Variants in RALGPS1 observed in about 807,000 individuals in gnomAD.
The protein encoded by RALGPS1 is ras-specific guanine nucleotide-releasing factor RalGPS1.
RALGPS1 carries 19 observed loss-of-function variants against 78.8 expected under a neutral mutation model. The ratio of observed to expected loss-of-function variants is 0.24; its 90% confidence interval spans 0.17 to 0.35. The LOEUF (loss-of-function observed/expected upper bound fraction) is 0.35. RALGPS1 is among the 10% of genes least tolerant of loss of function. The probability of loss-of-function intolerance (pLI) is 1.00; values close to 1 mark genes in which losing one functional copy is unlikely to be tolerated. For synonymous variants in RALGPS1, 228 were observed against 256.3 expected (o/e 0.89, Z 1.06); for missense variants, 454 against 688.3 (o/e 0.66, Z 3.81).
chr9:126,986,543 G>A (rs873605), intron 4 of RALGPS1, among the ~76,000 whole-genome samples: 2,841 of 152,300 alleles, frequency 0.019, 100 homozygotes, highest in African/African-American at 0.065. Context: ...CTCTACCAGA[G>A]CTCCTTACCA....
intron 8 of RALGPS1, among the ~76,000 whole-genome samples, chr9:127,133,577 C>T (rs567656080): frequency 2.2e-4 from 34 of 152,336 alleles, no homozygotes; most frequent in Non-Finnish European, 3.7e-4. Context: ...ACTCACCCAC[C>T]GGCCTGCCCT....
intron 8 of RALGPS1, among the ~76,000 whole-genome samples, chr9:127,139,217 T>C (rs998460528): frequency 6.6e-6 from 1 of 152,138 alleles, no homozygotes; most frequent in African/African-American, 2.4e-5. Flanking sequence ...CCTAGTGAGG[T>C]ATGAGTTGAC....
chr9:126,934,202 C>T (rs1564273065), intron 1 of RALGPS1, among the ~76,000 whole-genome samples: 1 of 151,676 alleles, frequency 6.6e-6, no homozygotes. Context: ...AGATTGAAGT[C>T]AGACCTTGTA....
intron 8 of RALGPS1, among the ~76,000 whole-genome samples, chr9:127,127,837 G>C (rs10115219): frequency 0.084 from 12,757 of 151,110 alleles, 1,779 homozygotes; most frequent in African/African-American, 0.29. Flanking sequence ...ATCAAAGCTA[G>C]GAGGAACACG....
At chr9:127,121,405 G>A (rs1051465048) in intron 8 of RALGPS1, among the ~76,000 whole-genome samples, 4 of 152,206 alleles carry the variant, frequency 2.6e-5, no homozygotes, top group South Asian at 2.1e-4. Context: ...GCATTTGGCC[G>A]GCTTTGGAAG....
intron 11 of RALGPS1, among the ~76,000 whole-genome samples, chr9:127,175,817 TG>T (rs1007649351): frequency 6.6e-6 from 1 of 150,860 alleles, no homozygotes; most frequent in Non-Finnish European, 1.5e-5. Context: ...TGTAAGGGGG[TG>T]GCTGCTACAA....
At chr9:127,049,930 C>G in intron 5 of RALGPS1, 113 bp from the exon 6 acceptor site, 1 of 782,864 alleles carries the variant, frequency 1.3e-6, no homozygotes, top group Non-Finnish European at 2.2e-6. Context: ...CTCCCAGTTT[C>G]CTGACCTCTT....
rs746253432 is a variant in RALGPS1, at chr9:127,052,958, G to A, written c.483+19G>A. 1.3e-6 allele frequency: 2 copies of A among 1,507,182 alleles called. No individual in the cohort carries two copies. The highest frequency in any genetic ancestry group is 1.1e-5 in the South Asian group (1 of 88,208). 93.4% of individuals were successfully genotyped at this position (1,507,182 alleles called of 1,614,324 possible). The stretch of plus-strand genomic sequence containing the variant: ...CTGGGCTGTAAGTTAATCTCCCTAA[G>A]TCTATCTAATTTTGGCTATCATTTC... On this transcript the variant is annotated intron_variant, in intron 7 of 18. Transcript: ENST00000259351.
At chr9:127,196,703 G>A (rs1054573094) in intron 13 of RALGPS1, 72 bp downstream of exon 13, 1 of 1,473,240 alleles carries the variant, frequency 6.8e-7, no homozygotes, top group Admixed American at 2.3e-5. Flanking sequence ...GTCTGTCTCT[G>A]TGTCACTGTG....
chr9:126,949,757 G>T (rs1452599407), intron 1 of RALGPS1, among the ~76,000 whole-genome samples: 1 of 151,634 alleles, frequency 6.6e-6, no homozygotes, highest in East Asian at 1.9e-4. Flanking sequence ...CTCCCATTTT[G>T]TAGGTTGCCT....
At position 127,034,454 on chromosome 9, in the gene RALGPS1, T is replaced by C. The variant is rs756996812; in HGVS notation, c.240T>C (p.Ser80=). The C allele has an allele frequency of 1.7e-5, 27 of 1,613,860 alleles. No homozygotes were observed. The highest frequency in any genetic ancestry group is 3.3e-4 in the Middle Eastern group (2 of 6,084). The change falls in exon 5 of 19, where the codon AGT becomes AGC. Residue 80 remains serine (S), a synonymous_variant. Coordinates refer to ENST00000259351, the MANE Select transcript of RALGPS1 (RefSeq NM_014636.3). The stretch of plus-strand genomic sequence containing the variant: ...AGGAACTAGCCAGCTGTGGATGGAG[T>C]AAGAAGGAGAAACACAGTCTTGCCC... The part of the protein sequence containing the change: ...QPEELASCGW[S]KKEKHSLAPN...
At chr9:127,069,199 C>G (rs759370819) in intron 7 of RALGPS1, 31 bp from the exon 8 acceptor site, 1 of 1,572,734 alleles carries the variant, frequency 6.4e-7, no homozygotes, top group South Asian at 1.1e-5. Context: ...TTCTGGTTTA[C>G]TTATTTTGCT....
At chr9:127,193,024 A>T (rs1448421210) in intron 11 of RALGPS1, among the ~76,000 whole-genome samples, 1 of 152,134 alleles carries the variant, frequency 6.6e-6, no homozygotes, top group African/African-American at 2.4e-5. Flanking sequence ...AGGAGCACAG[A>T]CCTCCATTTG....
intron 1 of RALGPS1, among the ~76,000 whole-genome samples, chr9:126,933,477 C>T (rs145102262): frequency 2.2e-4 from 33 of 152,232 alleles, no homozygotes; most frequent in Non-Finnish European, 3.7e-4. Flanking sequence ...ACCAAGGGAG[C>T]GGCAGAGACT....
At chr9:126,919,669 A>ATAG (rs1348607587) in intron 1 of RALGPS1, among the ~76,000 whole-genome samples, 1 of 152,242 alleles carries the variant, frequency 6.6e-6, no homozygotes. Context: ...ATAGCAGGTC[A>ATAG]TAGTAGGTGC....
At chr9:127,029,930 A>G (rs1453811711) in intron 4 of RALGPS1, among the ~76,000 whole-genome samples, 2 of 152,204 alleles carry the variant, frequency 1.3e-5, no homozygotes, top group Non-Finnish European at 2.9e-5. Flanking sequence ...AGCTGAAACC[A>G]GTGTTGATTC....
At chr9:126,960,357 C>G (rs1443621682) in intron 1 of RALGPS1, among the ~76,000 whole-genome samples, 1 of 151,598 alleles carries the variant, frequency 6.6e-6, no homozygotes, top group Non-Finnish European at 1.5e-5. Context: ...CCTCAGCTTC[C>G]CAAGTAGCTG....
intron 11 of RALGPS1, among the ~76,000 whole-genome samples, chr9:127,180,651 G>A (rs1023710469): frequency 5.9e-5 from 9 of 152,214 alleles, no homozygotes; most frequent in South Asian, 2.1e-4. Flanking sequence ...CTCTGGTGCC[G>A]TCCAGACATC....
At chr9:127,092,855 A>G (rs1393035017) in intron 8 of RALGPS1, among the ~76,000 whole-genome samples, 1 of 152,124 alleles carries the variant, frequency 6.6e-6, no homozygotes, top group Non-Finnish European at 1.5e-5. Flanking sequence ...GACAACCAGG[A>G]CAGGAGACTC....
Sources: allele counts gnomAD v4.1 joint callset (sites outside exome capture counted in the v4.1 genomes callset), GRCh38; gene constraint gnomAD v4.1.1; transcripts MANE v1.5; gene names NCBI Gene and HGNC (gene_info 2026-07-23, HGNC 2026-07-21).